Variants in CHRM3 observed in about 807,000 individuals in gnomAD.
CHRM3 encodes muscarinic acetylcholine receptor M3.
Under a neutral mutation model 41.8 loss-of-function variants are expected in CHRM3, and 11 were observed. That is an observed-to-expected ratio of 0.26 (90% confidence interval 0.17 to 0.44). The LOEUF (loss-of-function observed/expected upper bound fraction) is 0.44. Among genes scored for constraint, CHRM3 ranks in the 20% least tolerant of loss-of-function variants. The pLI, the probability that CHRM3 is intolerant of heterozygous loss-of-function variation, is 1.00. For missense variants in CHRM3, 571 were observed against 745.4 expected (o/e 0.77, Z 2.72); for synonymous variants, 297 against 301.4 (o/e 0.99, Z 0.15).
rs868338102 is a variant in CHRM3, at chr1:239,404,425, A to G, written c.-521+17198A>G. On this transcript the variant is annotated intron_variant, in intron 1 of 6. Coordinates refer to ENST00000676153, the MANE Select transcript of CHRM3 (RefSeq NM_001375978.1). ...GAAAGAAAGAAAAAGAAAGAAAGAA[A>G]GAAAGAAAGAAAGAAAGAAAGAAAG... 1.2e-3 allele frequency among the ~76,000 whole-genome samples: 126 copies of G among 103,706 alleles called. 1 individual carries two copies. The highest frequency in any genetic ancestry group is 4.8e-3 in the African/African-American group (119 of 24,794). The allele number at this position is 103,706 out of a possible 152,430, so 68.0% of individuals were successfully genotyped here. A position where few individuals can be genotyped will look rare whatever the true frequency, so the allele number is the denominator to read the frequency against.
intron 1 of CHRM3, among the ~76,000 whole-genome samples, chr1:239,404,414 GAAA>G (rs1660350013): frequency 2.0e-5 from 1 of 51,194 alleles, no homozygotes; most frequent in African/African-American, 8.2e-5. Context: ...GAAAGAAAAA[GAAA>G]GAAAGAAAGA....
At chr1:239,835,895 C>T (rs995997125) in intron 6 of CHRM3, among the ~76,000 whole-genome samples, 1 of 152,194 alleles carries the variant, frequency 6.6e-6, no homozygotes, top group Non-Finnish European at 1.5e-5. Flanking sequence ...TGGAAGTAGG[C>T]ATGGGAGACT....
At chr1:239,780,832 TG>T (rs1668460586) in intron 5 of CHRM3, among the ~76,000 whole-genome samples, 2 of 152,154 alleles carry the variant, frequency 1.3e-5, no homozygotes, top group African/African-American at 4.8e-5. Flanking sequence ...TGTGTGTGTG[TG>T]TGTGTGTATA....
rs574142527 is a variant in CHRM3 at position 239,778,684 on chromosome 1, G to A, written c.-146-48568G>A. On this transcript the variant is annotated intron_variant, in intron 5 of 6. Coordinates refer to ENST00000676153, the MANE Select transcript of CHRM3 (RefSeq NM_001375978.1). ...CTGTGAGGTGGATGATTGTGAACCC[G>A]TTGGTTCGCATAGTGTTTTCTCGAT... Among the ~76,000 whole-genome samples the A allele has an allele frequency of 1.7e-3, 253 of 152,276 alleles. 1 individual carries two copies. Among genetic ancestry groups the A allele is most frequent in the African/African-American group, 5.7e-3 (238 of 41,562 alleles).
chr1:239,630,690 A>AT (rs1355043635), intron 3 of CHRM3, among the ~76,000 whole-genome samples: 8 of 152,102 alleles, frequency 5.3e-5, no homozygotes, highest in Non-Finnish European at 7.4e-5. Flanking sequence ...AGGTACACAG[A>AT]TATTATTTCC....
intron 6 of CHRM3, among the ~76,000 whole-genome samples, chr1:239,863,254 C>T (rs186635093): frequency 6.6e-6 from 1 of 152,174 alleles, no homozygotes; most frequent in Admixed American, 6.5e-5. Flanking sequence ...AGGTAGCAAC[C>T]GCCTTCAAAG....
intron 1 of CHRM3, among the ~76,000 whole-genome samples, chr1:239,440,612 G>A (rs1329691444): frequency 1.3e-5 from 2 of 152,182 alleles, no homozygotes; most frequent in Non-Finnish European, 2.9e-5. Flanking sequence ...GTGTTAAGTT[G>A]TTCCAATTTG....
chr1:239,843,945 GAC>G (rs991717441), intron 6 of CHRM3, among the ~76,000 whole-genome samples: 12 of 151,978 alleles, frequency 7.9e-5, no homozygotes, highest in African/African-American at 2.9e-4. Context: ...TCTATATATA[GAC>G]ACACATACAC....
At chr1:239,659,772 C>G (rs74150625) in intron 4 of CHRM3, among the ~76,000 whole-genome samples, 1 of 152,178 alleles carries the variant, frequency 6.6e-6, no homozygotes, top group Non-Finnish European at 1.5e-5. Flanking sequence ...ACCATTCCAA[C>G]ATGTATAGAG....
chr1:239,754,898 T>G (rs1666117912), intron 5 of CHRM3, among the ~76,000 whole-genome samples: 1 of 152,000 alleles, frequency 6.6e-6, no homozygotes, highest in African/African-American at 2.4e-5. Context: ...TGTCTTATTG[T>G]GGGAAAAAAA....
chr1:239,543,453 TCTC>T (rs1658975012), intron 2 of CHRM3, among the ~76,000 whole-genome samples: 1 of 151,872 alleles, frequency 6.6e-6, no homozygotes, highest in African/African-American at 2.4e-5. Flanking sequence ...TGTCATATAA[TCTC>T]CTCCAAATCA....
intron 1 of CHRM3, among the ~76,000 whole-genome samples, chr1:239,412,468 TC>T (rs1297535759): frequency 1.4e-5 from 2 of 147,710 alleles, no homozygotes; most frequent in Admixed American, 6.9e-5. Context: ...ACTCTACTCA[TC>T]CCCCCGCCAC....
intron 6 of CHRM3, among the ~76,000 whole-genome samples, chr1:239,876,023 T>A (rs2149346672): frequency 6.6e-6 from 1 of 152,288 alleles, no homozygotes; most frequent in African/African-American, 2.4e-5. Flanking sequence ...GGTGAGAGCA[T>A]CAAAAAAGCT....
chr1:239,799,798 A>G (rs1381206586), intron 5 of CHRM3, among the ~76,000 whole-genome samples: 2 of 152,158 alleles, frequency 1.3e-5, no homozygotes, highest in Non-Finnish European at 2.9e-5. Context: ...TCTATAAAAT[A>G]CTGAAAAGCA....
chr1:239,857,649 C>A (rs927628792), intron 6 of CHRM3, among the ~76,000 whole-genome samples: 3 of 152,062 alleles, frequency 2.0e-5, no homozygotes, highest in Non-Finnish European at 2.9e-5. Context: ...GATTATTTAG[C>A]GATGCCAGAG....
chr1:239,541,082 A>C (rs1658731527), intron 2 of CHRM3, among the ~76,000 whole-genome samples: 1 of 152,188 alleles, frequency 6.6e-6, no homozygotes, highest in Admixed American at 6.5e-5. Context: ...ATTGATGGAA[A>C]AAAAATTCTT....
chr1:239,406,861 A>G (rs1323119879), intron 1 of CHRM3, among the ~76,000 whole-genome samples: 1 of 152,210 alleles, frequency 6.6e-6, no homozygotes, highest in Non-Finnish European at 1.5e-5. Context: ...TTTATAATCT[A>G]CAAATATGTT....
rs575425125 is a variant in CHRM3, at chr1:239,470,421, G to A, written c.-520-22288G>A. ...CCAGTTTGTGGTAATTTGCTATGGC[G>A]GCCCTAGTAGAAAAATTCACACCCC... On this transcript the variant is annotated intron_variant, in intron 1 of 6. Transcript: ENST00000676153. Among the ~76,000 whole-genome samples the A allele has an allele frequency of 2.4e-3, 367 of 152,188 alleles. 4 individuals are homozygous for A. Among genetic ancestry groups the A allele is most frequent in the African/African-American group, 8.1e-3 (337 of 41,522 alleles).
chr1:239,475,717 G>T (rs1293235270), intron 1 of CHRM3, among the ~76,000 whole-genome samples: 3 of 152,040 alleles, frequency 2.0e-5, no homozygotes, highest in African/African-American at 7.2e-5. Context: ...CTGGTAGAGG[G>T]ATATGGAAAC....
Sources: allele counts gnomAD v4.1 joint callset (sites outside exome capture counted in the v4.1 genomes callset), GRCh38; gene constraint gnomAD v4.1.1; transcripts MANE v1.5; gene names NCBI Gene and HGNC (gene_info 2026-07-23, HGNC 2026-07-21).